CSMD1: variants seen among roughly 807,000 people sequenced by gnomAD.
CSMD1 encodes CUB and Sushi multiple domains 1, also known as CUB and sushi domain-containing protein 1.
A neutral mutation model predicts 417.5 loss-of-function variants in CSMD1; 213 were observed. The observed-to-expected ratio is 0.51, with a 90% CI of 0.46 to 0.57. CSMD1 has a LOEUF of 0.57. Ranked by LOEUF, CSMD1 falls within the 20% of genes least tolerant of loss-of-function variation. The probability of loss-of-function intolerance (pLI) is 0.00; values close to 1 mark genes in which losing one functional copy is unlikely to be tolerated. For missense variants in CSMD1, 6,923 were observed against 4,529.7 expected, an observed-to-expected ratio of 1.53 and a Z score of -15.17; for synonymous variants, 2,862 against 1,736.8, an observed-to-expected ratio of 1.65 and a Z score of -16.11.
At chr8:3,816,570 G>A (rs1489053214) in intron 5 of CSMD1, among the ~76,000 whole-genome samples, 5 of 152,102 alleles carry the variant, frequency 3.3e-5, no homozygotes, top group African/African-American at 2.4e-5. Flanking sequence ...ACAAGACCTA[G>A]TATTTAATAG....
At chr8:3,291,985 C>G (rs1231601117) in intron 25 of CSMD1, among the ~76,000 whole-genome samples, 1 of 151,890 alleles carries the variant, frequency 6.6e-6, no homozygotes, top group Non-Finnish European at 1.5e-5. Flanking sequence ...TTTTCCTCTA[C>G]ACACTGCTTT....
At chr8:4,829,928 C>A (rs1021239455) in intron 1 of CSMD1, among the ~76,000 whole-genome samples, 1 of 152,030 alleles carries the variant, frequency 6.6e-6, no homozygotes, top group Admixed American at 6.6e-5. Flanking sequence ...GTTTAGAGGC[C>A]TTCTGATGTA....
chr8:3,747,166 T>C (rs1156680515), intron 6 of CSMD1, among the ~76,000 whole-genome samples: 2 of 152,214 alleles, frequency 1.3e-5, no homozygotes, highest in African/African-American at 2.4e-5. Flanking sequence ...ACTCACATCC[T>C]GGTTCTGCCA....
chr8:3,933,882 T>C (rs1810312197), intron 5 of CSMD1, among the ~76,000 whole-genome samples: 1 of 152,156 alleles, frequency 6.6e-6, no homozygotes, highest in Non-Finnish European at 1.5e-5. Context: ...AACAAAGCTT[T>C]ATTTACTTTC....
intron 10 of CSMD1, among the ~76,000 whole-genome samples, chr8:3,500,301 A>G (rs1278004549): frequency 5.9e-5 from 9 of 152,052 alleles, no homozygotes; most frequent in Non-Finnish European, 1.0e-4. Flanking sequence ...CTCTAGCTAG[A>G]CATCTCGATG....
intron 5 of CSMD1, among the ~76,000 whole-genome samples, chr8:3,901,749 C>T (rs1184810516): frequency 9.2e-5 from 14 of 152,178 alleles, no homozygotes; most frequent in African/African-American, 1.9e-4. Flanking sequence ...TAACGCTTTT[C>T]GATGTGACAA....
intron 1 of CSMD1, among the ~76,000 whole-genome samples, chr8:4,688,445 C>T (rs1023179099): frequency 6.6e-5 from 10 of 152,086 alleles, no homozygotes; most frequent in South Asian, 2.1e-4. Flanking sequence ...GCCATCTCCC[C>T]GGGTCCCTGC....
intron 3 of CSMD1, among the ~76,000 whole-genome samples, chr8:4,391,812 C>A (rs1803867074): frequency 6.6e-6 from 1 of 152,176 alleles, no homozygotes; most frequent in African/African-American, 2.4e-5. Context: ...CAAATCATGG[C>A]AGCTGCCTTG....
chr8:4,570,900 T>C (rs191284651), intron 2 of CSMD1, among the ~76,000 whole-genome samples: 1 of 152,220 alleles, frequency 6.6e-6, no homozygotes, highest in African/African-American at 2.4e-5. Context: ...AATTTGTCCA[T>C]TTCTTCTAGA....
chr8:4,479,765 T>C (rs58223356), intron 2 of CSMD1, among the ~76,000 whole-genome samples: 12,402 of 151,664 alleles, frequency 0.082, 755 homozygotes, highest in East Asian at 0.22. Context: ...TAGAAGCTAA[T>C]TCTCTACTGA....
At chr8:3,957,651 T>G (rs1281020929) in intron 5 of CSMD1, among the ~76,000 whole-genome samples, 1 of 151,356 alleles carries the variant, frequency 6.6e-6, no homozygotes, top group African/African-American at 2.4e-5. Context: ...GCCACTGCAC[T>G]CCAGCCTGGG....
chr8:4,627,247 G>T (rs1448846766), intron 2 of CSMD1, among the ~76,000 whole-genome samples: 2 of 152,084 alleles, frequency 1.3e-5, no homozygotes, highest in African/African-American at 4.8e-5. Flanking sequence ...CTTGAAATGG[G>T]CAGGATGGGG....
intron 7 of CSMD1, among the ~76,000 whole-genome samples, chr8:3,659,712 GT>G (rs1314939809): frequency 3.3e-5 from 5 of 152,060 alleles, no homozygotes; most frequent in African/African-American, 1.2e-4. Flanking sequence ...GCTCAAATCA[GT>G]TCTACACTCC....
chr8:4,993,612 A>T (rs1811594884), intron 1 of CSMD1, among the ~76,000 whole-genome samples: 1 of 152,138 alleles, frequency 6.6e-6, no homozygotes, highest in African/African-American at 2.4e-5. Flanking sequence ...TAGAAGGAGG[A>T]TACCCGTGCG....
intron 10 of CSMD1, among the ~76,000 whole-genome samples, chr8:3,507,368 T>C (rs147577461): frequency 0.01 from 1,564 of 152,334 alleles, 30 homozygotes; most frequent in African/African-American, 0.036. Context: ...TATTACATGA[T>C]GTATTTGTGC....
At chr8:4,131,991 C>T (rs181050119) in intron 3 of CSMD1, among the ~76,000 whole-genome samples, 2 of 152,036 alleles carry the variant, frequency 1.3e-5, no homozygotes, top group East Asian at 3.9e-4. Context: ...GTCTCGATCT[C>T]CTGACCTCGT....
At chr8:4,011,123 T>C (rs1212388820) in intron 4 of CSMD1, among the ~76,000 whole-genome samples, 1 of 152,232 alleles carries the variant, frequency 6.6e-6, no homozygotes, top group Non-Finnish European at 1.5e-5. Flanking sequence ...AGATAAATTA[T>C]GTAATCTATA....
chr8:3,755,850 C>T (rs1563345100), intron 5 of CSMD1, among the ~76,000 whole-genome samples: 1 of 152,014 alleles, frequency 6.6e-6, no homozygotes, highest in Non-Finnish European at 1.5e-5. Context: ...TGCCTCTTTG[C>T]TTGGATTTAT....
At chr8:3,295,985 G>T (rs1034834242) in intron 25 of CSMD1, among the ~76,000 whole-genome samples, 2 of 152,044 alleles carry the variant, frequency 1.3e-5, no homozygotes, top group Non-Finnish European at 2.9e-5. Context: ...GTTGTACAGG[G>T]AAGAGATAGG....
Sources: allele counts gnomAD v4.1 joint callset (sites outside exome capture counted in the v4.1 genomes callset), GRCh38; gene constraint gnomAD v4.1.1; transcripts MANE v1.5; gene names NCBI Gene and HGNC (gene_info 2026-07-23, HGNC 2026-07-21).